The following ZNF91 variants were observed in gnomAD, a reference collection of about 807,000 sequenced individuals.
ZNF91 encodes the protein zinc finger protein 91, also known as zinc finger protein 91 (HPF7, HTF10).
A neutral mutation model predicts 12.6 loss-of-function variants in ZNF91; 7 were observed. That is an observed-to-expected ratio of 0.55 (90% CI 0.31 to 1.04). The LOEUF (loss-of-function observed/expected upper bound fraction) is 1.04. ZNF91 is among the 50% of genes least tolerant of loss of function. ZNF91 has a pLI of 0.05. For synonymous variants in ZNF91, 453 were observed against 462.6 expected (o/e 0.98, Z 0.27); for missense variants, 1,217 against 1,385.4 (o/e 0.88, Z 1.93).
chr19:23,358,454 A>G lies in ZNF91; in HGVS notation c.*949T>C, dbSNP rs1968555869. 1 of 152,186 alleles carries G rather than the reference A, an allele frequency of 6.6e-6. No homozygotes were observed. Among genetic ancestry groups the G allele is most frequent in the African/African-American group, 2.4e-5 (1 of 41,450 alleles). The allele number at this position is 152,186 out of a possible 1,614,324, so 9.4% of individuals were successfully genotyped here. Reference sequence around the variant, plus strand: ...CCTTTCCATAGAAAAGGTCATAAATAATGCCTCTTCATATTTGTAATGCTT... The same window carrying G: ...CCTTTCCATAGAAAAGGTCATAAATGATGCCTCTTCATATTTGTAATGCTT... On this transcript the variant is annotated 3_prime_UTR_variant, in exon 4 of 4. Transcript: ENST00000300619.
At chr19:23,327,126 T>C (rs1967851498) in intron 1 of ZNF91, 1 of 152,200 alleles carries the variant, frequency 6.6e-6, no homozygotes, top group Non-Finnish European at 1.5e-5. Flanking sequence ...CTTTATTCCA[T>C]AATTCTTGGT....
chr19:23,373,346 T>TTATATATATATATA (rs200251921), intron 3 of ZNF91, among the ~76,000 whole-genome samples: 59 of 85,764 alleles, frequency 6.9e-4, no homozygotes, highest in African/African-American at 1.9e-3. Context: ...TCATGTAATC[T>TTATATATATATATA]TATATATATA....
downstream of ZNF91, among the ~76,000 whole-genome samples, chr19:23,354,342 A>T (rs1426320272): frequency 6.6e-6 from 1 of 152,202 alleles, no homozygotes; most frequent in Non-Finnish European, 1.5e-5. Context: ...GATACACCAC[A>T]TAAATAGAAT....
At chr19:23,332,583 T>C (rs1391683493) in intron 1 of ZNF91, among the ~76,000 whole-genome samples, 1 of 152,036 alleles carries the variant, frequency 6.6e-6, no homozygotes. Context: ...GTGTGCAGAG[T>C]TCTCCCTGTT....
chr19:23,382,877 A>G (rs1969766232), intron 1 of ZNF91, among the ~76,000 whole-genome samples: 2 of 152,222 alleles, frequency 1.3e-5, no homozygotes, highest in East Asian at 3.8e-4. Context: ...CCTACCAACC[A>G]AATAAAGCCA....
intron 1 of ZNF91, among the ~76,000 whole-genome samples, chr19:23,389,928 G>A (rs146887606): frequency 3.7e-4 from 57 of 152,120 alleles, no homozygotes; most frequent in Non-Finnish European, 7.4e-4. Context: ...TAGAAACTGG[G>A]GACTCCCATA....
In ZNF91 at chr19:23,385,265, G is replaced by T. The variant is rs1271230289; in HGVS notation, c.30+10060C>A. On this transcript the variant is annotated intron_variant, in intron 1 of 3. Coordinates refer to ENST00000300619, the MANE Select transcript of ZNF91 (RefSeq NM_003430.4). ...ATTGGGCCCTCACTTTTGGATGAGG[G>T]GCTGAATGTCACGGAAAAAAATAAG... The T allele has an allele frequency of 6.0e-5, 31 of 513,490 alleles. No homozygotes were observed. In the Middle Eastern group the frequency reaches 1.7e-3, roughly 29 times the overall value. 31.8% of individuals were successfully genotyped at this position (513,490 alleles called of 1,614,324 possible).
intron 1 of ZNF91, among the ~76,000 whole-genome samples, chr19:23,322,178 C>G (rs1301084598): frequency 2.0e-5 from 3 of 152,198 alleles, no homozygotes; most frequent in Non-Finnish European, 2.9e-5. Context: ...CTTTCCTCTT[C>G]TTCCTGAGCC....
intron 1 of ZNF91, among the ~76,000 whole-genome samples, chr19:23,322,241 T>C (rs1410245190): frequency 6.6e-6 from 1 of 152,202 alleles, no homozygotes; most frequent in South Asian, 2.1e-4. Context: ...ACCTAGGTGA[T>C]GTGGCGCTCC....
intron 3 of ZNF91, among the ~76,000 whole-genome samples, chr19:23,305,473 TTAC>T (rs1967384663): frequency 6.6e-6 from 1 of 152,206 alleles, no homozygotes. Flanking sequence ...AATCAGTCAG[TTAC>T]CTCATTCTAG....
At chr19:23,349,226 G>A (rs542101380) in intron 3 of ZNF91, among the ~76,000 whole-genome samples, 8 of 152,044 alleles carry the variant, frequency 5.3e-5, no homozygotes, top group Admixed American at 4.6e-4. Context: ...CTCCCAATTC[G>A]TACGCCCCTC....
chr19:23,332,607 G>A (rs1333383315), intron 1 of ZNF91, among the ~76,000 whole-genome samples: 6 of 152,172 alleles, frequency 3.9e-5, no homozygotes, highest in South Asian at 2.1e-4. Flanking sequence ...CACATCAAGC[G>A]AAAAGATGGG....
At chr19:23,387,757 T>C (rs1178235065) in intron 1 of ZNF91, among the ~76,000 whole-genome samples, 1 of 151,412 alleles carries the variant, frequency 6.6e-6, no homozygotes, top group East Asian at 1.9e-4. Flanking sequence ...CTGGCCAACA[T>C]GGTAAAACCC....
At chr19:23,328,751 G>A (rs1290292245) in intron 1 of ZNF91, 1 of 152,332 alleles carries the variant, frequency 6.6e-6, no homozygotes, top group Middle Eastern at 3.4e-3. Flanking sequence ...TGACAGTAAA[G>A]ATGGGAGCTC....
At chr19:23,368,510 ATCTCTC>A (rs573590418) in intron 3 of ZNF91, among the ~76,000 whole-genome samples, 33,086 of 94,006 alleles carry the variant, frequency 0.35, 7,026 homozygotes, top group Non-Finnish European at 0.47. Context: ...GCGAAACTCC[ATCTCTC>A]TCTCTCTCTC....
At chr19:23,372,039 C>T (rs1969300513) in intron 3 of ZNF91, among the ~76,000 whole-genome samples, 1 of 152,122 alleles carries the variant, frequency 6.6e-6, no homozygotes, top group Non-Finnish European at 1.5e-5. Context: ...TATTTAGTTA[C>T]AGGCTGACAA....
chr19:23,309,744 T>A (rs1241000406), intron 1 of ZNF91, among the ~76,000 whole-genome samples: 1 of 152,164 alleles, frequency 6.6e-6, no homozygotes, highest in Non-Finnish European at 1.5e-5. Context: ...ATGGGTAAGA[T>A]CCTGGGTTTC....
chr19:23,334,932 A>G (rs1967979307), downstream of ZNF91, among the ~76,000 whole-genome samples: 1 of 152,220 alleles, frequency 6.6e-6, no homozygotes, highest in South Asian at 2.1e-4. Flanking sequence ...AAATAATGAG[A>G]CGCCAGTTTT....
chr19:23,345,856 C>G (rs1164060191), intron 3 of ZNF91, among the ~76,000 whole-genome samples: 1 of 152,078 alleles, frequency 6.6e-6, no homozygotes, highest in Admixed American at 6.6e-5. Flanking sequence ...TGACCTCCCC[C>G]ACCGCCCTCT....
Sources: allele counts gnomAD v4.1 joint callset (sites outside exome capture counted in the v4.1 genomes callset), GRCh38; gene constraint gnomAD v4.1.1; transcripts MANE v1.5; gene names NCBI Gene and HGNC (gene_info 2026-07-23, HGNC 2026-07-21).